The following NRCAM variants were observed in gnomAD, a reference collection of about 807,000 sequenced individuals.
NRCAM encodes the protein neuronal cell adhesion molecule.
NRCAM carries 83 observed loss-of-function variants against 156.5 expected under a neutral mutation model. That is an observed-to-expected ratio of 0.53 (90% CI 0.44 to 0.64). NRCAM has a LOEUF of 0.64. NRCAM is among the 30% of genes least tolerant of loss of function. The pLI is 0.00. For missense variants in NRCAM, 1,417 were observed against 1,597.3 expected (o/e 0.89, Z 1.92); for synonymous variants, 538 against 563.9 (o/e 0.95, Z 0.65).
chr7:108,213,026 A>G (rs2085566325), intron 11 of NRCAM, among the ~76,000 whole-genome samples: 1 of 152,170 alleles, frequency 6.6e-6, no homozygotes, highest in South Asian at 2.1e-4. Context: ...AGGAACACCT[A>G]TCAGATTAAC....
At chr7:108,451,168 G>A (rs889182258) in intron 1 of NRCAM, among the ~76,000 whole-genome samples, 2 of 150,962 alleles carry the variant, frequency 1.3e-5, no homozygotes, top group African/African-American at 2.4e-5. Flanking sequence ...GCAGTGAGCC[G>A]AGACTGCAGC....
intron 8 of NRCAM, 41 bp from the exon 9 acceptor site, chr7:108,226,419 A>C (rs1389405113): frequency 1.1e-5 from 16 of 1,474,336 alleles, no homozygotes; most frequent in Non-Finnish European, 1.3e-5. Context: ...TTCCATCATA[A>C]AGTGGCTACC....
rs1358228257 is a variant in NRCAM at position 108,401,879 on chromosome 7, G to T, written c.-331-2286C>A. On this transcript the variant is annotated intron_variant, in intron 1 of 32. Coordinates refer to ENST00000379028, the MANE Select transcript of NRCAM (RefSeq NM_001037132.4). Reference sequence around the variant, plus strand: ...TTTGTCTCAATGCATCCTCACACTGGAAAGTGGAAACAGAAGCCTCCTGGA... The same window carrying T: ...TTTGTCTCAATGCATCCTCACACTGTAAAGTGGAAACAGAAGCCTCCTGGA... Among the ~76,000 whole-genome samples the T allele has an allele frequency of 2.6e-5, 4 of 152,210 alleles. No homozygotes were observed. In the East Asian group the frequency reaches 7.7e-4, roughly 29 times the overall value.
In NRCAM at chr7:108,232,572, A is replaced by T. The variant is rs570805304; in HGVS notation, c.231-50T>A. The stretch of plus-strand genomic sequence containing the variant: ...TGTATTAATGGTCCAGAAAAATGGG[A>T]TTACCTTAACAAATTCCTAGCAGTT... On this transcript the variant is annotated intron_variant, in intron 6 of 32. Transcript: ENST00000379028. 17 of 1,335,788 alleles carry T rather than the reference A, an allele frequency of 1.3e-5. No individual in the cohort carries two copies. The African/African-American group carries it at 2.4e-4, about 19-fold the overall frequency. 82.7% of individuals were successfully genotyped at this position (1,335,788 alleles called of 1,614,324 possible).
chr7:108,413,701 C>A (rs1474628917), intron 1 of NRCAM, among the ~76,000 whole-genome samples: 2 of 152,172 alleles, frequency 1.3e-5, no homozygotes, highest in Admixed American at 1.3e-4. Context: ...GGGCAATTAA[C>A]CAACAGACAT....
intron 3 of NRCAM, among the ~76,000 whole-genome samples, chr7:108,296,886 A>C (rs1374154846): frequency 6.6e-6 from 1 of 152,238 alleles, no homozygotes; most frequent in Non-Finnish European, 1.5e-5. Context: ...ACCATTACAG[A>C]AAATGATGTC....
intron 1 of NRCAM, among the ~76,000 whole-genome samples, chr7:108,442,402 G>C (rs927141889): frequency 2.6e-5 from 4 of 152,170 alleles, no homozygotes; most frequent in Non-Finnish European, 5.9e-5. Flanking sequence ...GGGAGGGCTG[G>C]AATTATGCTT....
At chr7:108,408,359 G>A (rs1276639039) in intron 1 of NRCAM, among the ~76,000 whole-genome samples, 2 of 152,192 alleles carry the variant, frequency 1.3e-5, no homozygotes, top group Non-Finnish European at 2.9e-5. Context: ...CGGAGAAAAT[G>A]TAAAAATGAA....
chr7:108,166,821 C>G, intron 30 of NRCAM, 100 bp downstream of exon 30: 2 of 1,067,514 alleles, frequency 1.9e-6, no homozygotes, highest in Non-Finnish European at 2.6e-6. Flanking sequence ...CATTCATGCC[C>G]TACCCATAAC....
chr7:108,176,252 A>T (rs1292864994), intron 27 of NRCAM, among the ~76,000 whole-genome samples, 178 bp downstream of exon 27: 2 of 152,214 alleles, frequency 1.3e-5, no homozygotes, highest in African/African-American at 4.8e-5. Flanking sequence ...GAGTTGAAAA[A>T]TATCAGTCCA....
chr7:108,171,301 T>G (rs2152038606), intron 28 of NRCAM, among the ~76,000 whole-genome samples: 1 of 152,316 alleles, frequency 6.6e-6, no homozygotes, highest in East Asian at 1.9e-4. Flanking sequence ...CACTTCTCTG[T>G]TTAAAACTCT....
intron 5 of NRCAM, among the ~76,000 whole-genome samples, chr7:108,236,697 A>G (rs1261111774): frequency 6.6e-6 from 1 of 152,218 alleles, no homozygotes; most frequent in African/African-American, 2.4e-5. Context: ...CTATTTTAAA[A>G]TTATTATCAT....
At chr7:108,219,419 A>G (rs1408762199) in intron 11 of NRCAM, among the ~76,000 whole-genome samples, 1 of 152,174 alleles carries the variant, frequency 6.6e-6, no homozygotes, top group African/African-American at 2.4e-5. Flanking sequence ...ATGGACTGAT[A>G]TCCCTGAGGA....
At chr7:108,431,559 G>C (rs1825197115) in intron 1 of NRCAM, among the ~76,000 whole-genome samples, 1 of 152,130 alleles carries the variant, frequency 6.6e-6, no homozygotes, top group South Asian at 2.1e-4. Context: ...GAGGCAGGAG[G>C]ATCACTTGAG....
chr7:108,374,561 C>G (rs1563499802), intron 2 of NRCAM, among the ~76,000 whole-genome samples: 2 of 152,072 alleles, frequency 1.3e-5, no homozygotes, highest in Non-Finnish European at 2.9e-5. Context: ...TGCGTTTTCT[C>G]AAATTAGTGT....
intron 3 of NRCAM, among the ~76,000 whole-genome samples, chr7:108,257,829 G>A (rs1296799096): frequency 6.6e-6 from 1 of 151,980 alleles, no homozygotes; most frequent in East Asian, 1.9e-4. Context: ...AGGTATGTGA[G>A]CTATTAAACC....
intron 2 of NRCAM, among the ~76,000 whole-genome samples, chr7:108,367,847 A>C (rs1323230673): frequency 1.3e-5 from 2 of 152,212 alleles, no homozygotes; most frequent in African/African-American, 4.8e-5. Flanking sequence ...CTTAAAACAA[A>C]TATTTTTATT....
chr7:108,193,216 G>A (rs910676936), intron 17 of NRCAM, among the ~76,000 whole-genome samples: 3 of 152,196 alleles, frequency 2.0e-5, no homozygotes, highest in Admixed American at 1.3e-4. Flanking sequence ...AAATAAAATT[G>A]ACTAGTTCAA....
At chr7:108,222,801 C>G (rs1223109901) in intron 11 of NRCAM, among the ~76,000 whole-genome samples, 2 of 152,088 alleles carry the variant, frequency 1.3e-5, no homozygotes, top group Non-Finnish European at 2.9e-5. Flanking sequence ...GATTCTATTC[C>G]AGGTTTTCAG....
Sources: allele counts gnomAD v4.1 joint callset (sites outside exome capture counted in the v4.1 genomes callset), GRCh38; gene constraint gnomAD v4.1.1; transcripts MANE v1.5; gene names NCBI Gene and HGNC (gene_info 2026-07-23, HGNC 2026-07-21).